ZNF385D: variants seen among roughly 807,000 people sequenced by gnomAD.
The protein encoded by ZNF385D is zinc finger protein 659.
A neutral mutation model predicts 35.8 loss-of-function variants in ZNF385D; 15 were observed. The ratio of observed to expected loss-of-function variants is 0.42; its 90% CI spans 0.28 to 0.64. The LOEUF (loss-of-function observed/expected upper bound fraction) is 0.64, where lower values mean the gene tolerates loss of function less well. Ranked by LOEUF, ZNF385D falls within the 30% of genes least tolerant of loss-of-function variation. The pLI, the probability that ZNF385D is intolerant of heterozygous loss-of-function variation, is 0.23. For missense variants in ZNF385D, 474 were observed against 494.6 expected (o/e 0.96, Z 0.39); for synonymous variants, 212 against 186.8 (o/e 1.13, Z -1.10).
intron 3 of ZNF385D, among the ~76,000 whole-genome samples, chr3:21,965,542 T>C (rs555679): frequency 0.14 from 20,689 of 151,920 alleles, 3,385 homozygotes; most frequent in African/African-American, 0.39. Flanking sequence ...ACAAGAAAGA[T>C]AAAGAAAGGT....
At chr3:22,300,352 G>T (rs758187447) in intron 2 of ZNF385D, among the ~76,000 whole-genome samples, 11 of 150,546 alleles carry the variant, frequency 7.3e-5, no homozygotes, top group Non-Finnish European at 1.6e-4. Flanking sequence ...AGAAAACAGG[G>T]GTACAATTTC....
chr3:21,766,179 C>T (rs778796705), intron 3 of ZNF385D, among the ~76,000 whole-genome samples: 1 of 152,068 alleles, frequency 6.6e-6, no homozygotes, highest in African/African-American at 2.4e-5. Context: ...TAATGACTTT[C>T]AGATCTCCAG....
intron 2 of ZNF385D, among the ~76,000 whole-genome samples, chr3:22,241,531 C>T (rs1391610736): frequency 1.3e-5 from 2 of 151,250 alleles, no homozygotes; most frequent in African/African-American, 4.9e-5. Context: ...TGTATAGACA[C>T]TTGTAGACAT....
At position 21,953,238 on chromosome 3, in the gene ZNF385D, A is replaced by T. The variant is rs369905428; in HGVS notation, c.325+215579T>A. On this transcript the variant is annotated intron_variant, in intron 3 of 5. Coordinates refer to the ZNF385D transcript ENST00000494108. ...ACATTTCAAGCAAGCAGCAGAACTT[A>T]CAAACTAGAGGCTCAGAATAAAACT... 1.9e-4 allele frequency among the ~76,000 whole-genome samples: 29 copies of T among 151,100 alleles called. No individual in the cohort carries two copies. The East Asian group carries it at 3.7e-3, about 19-fold the overall frequency.
intron 3 of ZNF385D, among the ~76,000 whole-genome samples, chr3:21,929,519 G>C (rs902543486): frequency 2.2e-4 from 34 of 152,092 alleles, no homozygotes; most frequent in Non-Finnish European, 3.8e-4. Flanking sequence ...AAAATTGTTT[G>C]TATTTGTTGA....
chr3:21,518,554 G>A (rs1393216941), intron 3 of ZNF385D, among the ~76,000 whole-genome samples: 1 of 152,190 alleles, frequency 6.6e-6, no homozygotes, highest in East Asian at 1.9e-4. Flanking sequence ...ATCAACCCCT[G>A]TATCAAACTC....
intron 3 of ZNF385D, among the ~76,000 whole-genome samples, chr3:21,979,166 G>A (rs1242036318): frequency 2.0e-5 from 3 of 151,948 alleles, no homozygotes; most frequent in Non-Finnish European, 4.4e-5. Context: ...AGAATAGTCT[G>A]GGCTGGGTCC....
intron 2 of ZNF385D, among the ~76,000 whole-genome samples, chr3:21,663,929 A>ATTTATTTATTT (rs1553633494): frequency 7.3e-6 from 1 of 137,890 alleles, no homozygotes; most frequent in Non-Finnish European, 1.6e-5. Context: ...TTATTTATTT[A>ATTTATTTATTT]AATCCATCAT....
At chr3:21,606,900 A>T (rs1410370250) in intron 2 of ZNF385D, among the ~76,000 whole-genome samples, 1 of 151,726 alleles carries the variant, frequency 6.6e-6, no homozygotes, top group African/African-American at 2.4e-5. Context: ...TCTGCTGCAA[A>T]TGGATGAAGT....
At chr3:22,085,061 G>A (rs1451711886) in intron 3 of ZNF385D, among the ~76,000 whole-genome samples, 1 of 152,170 alleles carries the variant, frequency 6.6e-6, no homozygotes, top group Non-Finnish European at 1.5e-5. Context: ...GAATCTCTGC[G>A]ACACATTTAA....
At chr3:22,136,476 G>C (rs1237244934) in intron 3 of ZNF385D, among the ~76,000 whole-genome samples, 1 of 151,412 alleles carries the variant, frequency 6.6e-6, no homozygotes, top group Admixed American at 6.6e-5. Flanking sequence ...ACAAGTTATA[G>C]ATTGAGAGAA....
chr3:21,735,364 G>T (rs114989296), intron 1 of ZNF385D, among the ~76,000 whole-genome samples: 2 of 152,064 alleles, frequency 1.3e-5, no homozygotes, highest in African/African-American at 2.4e-5. Flanking sequence ...AATTCTAGGC[G>T]GCCCTATTTG....
rs142859260 is a variant in ZNF385D at position 22,269,941 on chromosome 3, T to C, written c.107-100906A>G. Reference sequence around the variant, plus strand: ...CTGTGCTGATAGCTTTCCTAAACTTTCTCCAGTGCTCTTTAGTAGTGTATA... The same window carrying C: ...CTGTGCTGATAGCTTTCCTAAACTTCCTCCAGTGCTCTTTAGTAGTGTATA... On this transcript the variant is annotated intron_variant, in intron 2 of 5. Coordinates refer to the ZNF385D transcript ENST00000494108. Among the ~76,000 whole-genome samples, 103 of 151,940 alleles carry C rather than the reference T, an allele frequency of 6.8e-4. 2 individuals carry two copies. The East Asian group carries it at 0.019, about 28-fold the overall frequency.
chr3:21,747,175 C>A (rs943789085), intron 1 of ZNF385D, among the ~76,000 whole-genome samples: 1 of 152,038 alleles, frequency 6.6e-6, no homozygotes, highest in African/African-American at 2.4e-5. Context: ...AGTTGATCCA[C>A]AACTAACACC....
At chr3:22,092,976 G>C (rs77514502) in intron 3 of ZNF385D, among the ~76,000 whole-genome samples, 2 of 151,888 alleles carry the variant, frequency 1.3e-5, no homozygotes, top group African/African-American at 4.8e-5. Context: ...TAAAATTAAC[G>C]CAAATAAACT....
intron 2 of ZNF385D, among the ~76,000 whole-genome samples, chr3:22,186,006 A>G (rs1298258302): frequency 3.9e-5 from 6 of 152,172 alleles, no homozygotes; most frequent in Non-Finnish European, 5.9e-5. Context: ...TCAACTTTTA[A>G]TAATATTTTA....
intron 2 of ZNF385D, among the ~76,000 whole-genome samples, chr3:22,279,491 T>TATACATATGTACATATATATGTATATAC (rs1701607619): frequency 1.4e-5 from 2 of 141,450 alleles, no homozygotes; most frequent in Admixed American, 6.9e-5. Context: ...ATATATGGAA[T>TATACATATGTACATATATATGTATATAC]ATACATATGT....
In ZNF385D at chr3:22,256,236, CAT is replaced by C. The variant is rs141839193; in HGVS notation, c.107-87203_107-87202del. Among the ~76,000 whole-genome samples, 1,241 of 145,228 alleles carry C rather than the reference CAT, an allele frequency of 8.5e-3. 2 individuals carry two copies. Among genetic ancestry groups the C allele is most frequent in the African/African-American group, 0.017 (676 of 40,190 alleles). On this transcript the variant is annotated intron_variant, in intron 2 of 5. Coordinates refer to the ZNF385D transcript ENST00000494108. Reference sequence around the variant, plus strand: ...ATATATATACACACATATACACATACATATATATATATATATATATATTCCCT... The same window carrying C: ...ATATATATACACACATATACACATACATATATATATATATATATATTCCCT...
At chr3:22,079,753 T>G (rs1276016487) in intron 3 of ZNF385D, among the ~76,000 whole-genome samples, 6 of 152,004 alleles carry the variant, frequency 3.9e-5, no homozygotes, top group Non-Finnish European at 8.8e-5. Context: ...CTTTGGTTTT[T>G]AAAATTATAG....
Sources: allele counts gnomAD v4.1 joint callset (sites outside exome capture counted in the v4.1 genomes callset), GRCh38; gene constraint gnomAD v4.1.1; transcripts MANE v1.5; gene names NCBI Gene and HGNC (gene_info 2026-07-23, HGNC 2026-07-21).